Variants in WDFY2 observed in about 807,000 individuals in gnomAD.
WDFY2 encodes the protein WD repeat and FYVE domain-containing protein 2.
In WDFY2, 36 loss-of-function variants were observed where a neutral mutation model predicts 56.4. The observed-to-expected ratio is 0.64, with a 90% CI of 0.49 to 0.84. The LOEUF is 0.84. Among genes scored for constraint, WDFY2 ranks in the 40% least tolerant of loss-of-function variants. WDFY2 has a pLI of 0.00. For missense variants in WDFY2, 444 were observed against 512.2 expected (o/e 0.87, Z 1.29); for synonymous variants, 176 against 183.7 (o/e 0.96, Z 0.34).
chr13:51,751,182 C>T (rs907714250), intron 7 of WDFY2, 128 bp from the exon 8 acceptor site: 1 of 713,158 alleles, frequency 1.4e-6, no homozygotes, highest in African/African-American at 2.2e-5. Flanking sequence ...AAAATTCCAA[C>T]AGGTTTCTAA....
chr13:51,640,134 G>T (rs1014791058), intron 1 of WDFY2, among the ~76,000 whole-genome samples: 1 of 152,152 alleles, frequency 6.6e-6, no homozygotes, highest in African/African-American at 2.4e-5. Flanking sequence ...TATCAATAAA[G>T]GATATTAAAT....
chr13:51,686,799 T>C (rs1956068835), intron 3 of WDFY2, among the ~76,000 whole-genome samples: 1 of 152,148 alleles, frequency 6.6e-6, no homozygotes, highest in Admixed American at 6.6e-5. Flanking sequence ...CAAAAGTATG[T>C]ACTGTTCTAT....
chr13:51,653,143 A>G (rs780511202), intron 1 of WDFY2, among the ~76,000 whole-genome samples: 8 of 151,960 alleles, frequency 5.3e-5, no homozygotes, highest in East Asian at 1.9e-4. Context: ...TTCTTGCTTC[A>G]TTTCATTCAC....
chr13:51,680,740 C>T (rs1955963921), intron 3 of WDFY2, among the ~76,000 whole-genome samples: 1 of 152,158 alleles, frequency 6.6e-6, no homozygotes, highest in Non-Finnish European at 1.5e-5. Flanking sequence ...TTGAAAGGAT[C>T]TTCTTCTGCA....
chr13:51,695,455 CCT>C (rs550790841), intron 3 of WDFY2, among the ~76,000 whole-genome samples: 1 of 152,148 alleles, frequency 6.6e-6, no homozygotes. Flanking sequence ...CACTCCAGAC[CCT>C]GTTTGCCTGG....
intron 4 of WDFY2, among the ~76,000 whole-genome samples, chr13:51,712,980 T>C (rs757854195): frequency 3.9e-5 from 6 of 152,304 alleles, no homozygotes; most frequent in South Asian, 4.1e-4. Flanking sequence ...ATTTAATGTA[T>C]AGTTAAAACC....
At chr13:51,587,510 T>C (rs976006050) in intron 1 of WDFY2, 2 of 152,262 alleles carry the variant, frequency 1.3e-5, no homozygotes, top group Non-Finnish European at 2.9e-5. Flanking sequence ...GAAAGGCTTA[T>C]GTGGACAAGT....
intron 4 of WDFY2, among the ~76,000 whole-genome samples, chr13:51,714,172 CT>C (rs1300180767): frequency 6.6e-6 from 1 of 150,526 alleles, no homozygotes; most frequent in Non-Finnish European, 1.5e-5. Flanking sequence ...AGTGAAGTAT[CT>C]GAAACATAGT....
chr13:51,716,194 T>C (rs1317810338), intron 4 of WDFY2, among the ~76,000 whole-genome samples: 1 of 152,130 alleles, frequency 6.6e-6, no homozygotes, highest in African/African-American at 2.4e-5. Flanking sequence ...AGAAAGATAA[T>C]AGATTAGTGT....
chr13:51,600,947 T>TG (rs1306367049), intron 1 of WDFY2, among the ~76,000 whole-genome samples: 1 of 152,192 alleles, frequency 6.6e-6, no homozygotes, highest in African/African-American at 2.4e-5. Flanking sequence ...ATTTTCTCAT[T>TG]GCTTTATTTG....
At chr13:51,728,675 G>A (rs1566192977) in intron 6 of WDFY2, among the ~76,000 whole-genome samples, 1 of 152,128 alleles carries the variant, frequency 6.6e-6, no homozygotes, top group Non-Finnish European at 1.5e-5. Flanking sequence ...GCTAGAATAA[G>A]AAACATATAG....
intron 3 of WDFY2, among the ~76,000 whole-genome samples, chr13:51,703,326 C>T (rs1438383086): frequency 6.6e-6 from 1 of 152,178 alleles, no homozygotes; most frequent in Non-Finnish European, 1.5e-5. Context: ...TCTTCAGAAT[C>T]GACCGGTATC....
At chr13:51,618,484 T>C (rs1234695688) in intron 1 of WDFY2, among the ~76,000 whole-genome samples, 1 of 152,212 alleles carries the variant, frequency 6.6e-6, no homozygotes, top group Non-Finnish European at 1.5e-5. Context: ...TGAATGCCTG[T>C]GTATGTGGAT....
chr13:51,712,689 TA>T (rs1330364374), intron 4 of WDFY2, among the ~76,000 whole-genome samples: 1 of 150,924 alleles, frequency 6.6e-6, no homozygotes, highest in Non-Finnish European at 1.5e-5. Context: ...ATCCAAAAGC[TA>T]GTGTTTTGAT....
intron 10 of WDFY2, among the ~76,000 whole-genome samples, chr13:51,756,902 A>C (rs928875703): frequency 6.6e-6 from 1 of 152,210 alleles, no homozygotes; most frequent in Non-Finnish European, 1.5e-5. Flanking sequence ...AAATATTCCC[A>C]GTTGCCCAGT....
At chr13:51,708,267 G>A (rs1952130788) in intron 4 of WDFY2, among the ~76,000 whole-genome samples, 1 of 151,200 alleles carries the variant, frequency 6.6e-6, no homozygotes, top group South Asian at 2.1e-4. Flanking sequence ...CTGAGGTGGA[G>A]GATCCTTTCA....
intron 1 of WDFY2, among the ~76,000 whole-genome samples, chr13:51,605,340 T>G (rs1156296348): frequency 6.6e-6 from 1 of 152,170 alleles, no homozygotes; most frequent in Non-Finnish European, 1.5e-5. Flanking sequence ...ACCTGGACCA[T>G]TGTTTTCTTA....
At chr13:51,718,602 A>ACT (rs1314560934) in intron 4 of WDFY2, among the ~76,000 whole-genome samples, 8 of 147,888 alleles carry the variant, frequency 5.4e-5, no homozygotes, top group Admixed American at 2.0e-4. Context: ...ACACACACAC[A>ACT]CTGTAACATA....
chr13:51,651,108 T>C (rs1052172332), intron 1 of WDFY2, among the ~76,000 whole-genome samples: 1 of 152,240 alleles, frequency 6.6e-6, no homozygotes, highest in Non-Finnish European at 1.5e-5. Flanking sequence ...TATTGGTCTA[T>C]TCAGAGATTC....
Sources: gnomAD v4.1 joint callset for allele counts (sites outside exome capture counted in the v4.1 genomes callset) on GRCh38, gnomAD v4.1.1 for gene constraint, MANE v1.5 for transcripts, NCBI Gene and HGNC (gene_info 2026-07-23, HGNC 2026-07-21) for gene names.